The following OSBPL1A variants were observed in gnomAD, a reference collection of about 807,000 sequenced individuals.
OSBPL1A encodes the protein oxysterol-binding protein-related protein 1.
OSBPL1A carries 80 observed loss-of-function variants against 137.1 expected under a neutral mutation model. The ratio of observed to expected loss-of-function variants is 0.58; its 90% CI spans 0.49 to 0.70. The LOEUF is 0.70. OSBPL1A is among the 30% of genes least tolerant of loss of function. The pLI is 0.00. For synonymous variants in OSBPL1A, 365 were observed against 389.7 expected (o/e 0.94, Z 0.75); for missense variants, 970 against 1,129.4 (o/e 0.86, Z 2.02).
rs142266304 is a variant in OSBPL1A at position 24,386,460 on chromosome 18, T to A, written c.-2-8925A>T. Among the ~76,000 whole-genome samples, 14 of 152,332 alleles carry A rather than the reference T, an allele frequency of 9.2e-5. 1 individual carries two copies. The East Asian group carries it at 2.5e-3, about 27-fold the overall frequency. On this transcript the variant is annotated intron_variant, in intron 1 of 27. Coordinates refer to ENST00000319481, the MANE Select transcript of OSBPL1A (RefSeq NM_080597.4). Reference sequence around the variant, plus strand: ...ACATGCATCAGAACTAGTTTAGTTGTGCAGCCCAACCACACTCTAAAGATT... The same window carrying A: ...ACATGCATCAGAACTAGTTTAGTTGAGCAGCCCAACCACACTCTAAAGATT...
At chr18:24,377,947 T>G (rs1293654690) in intron 1 of OSBPL1A, among the ~76,000 whole-genome samples, 3 of 152,224 alleles carry the variant, frequency 2.0e-5, no homozygotes, top group Non-Finnish European at 4.4e-5. Flanking sequence ...TTATTTCCTA[T>G]ATGACCATTC....
At chr18:24,329,868 C>T (rs971761855) in intron 7 of OSBPL1A, among the ~76,000 whole-genome samples, 62 of 151,986 alleles carry the variant, frequency 4.1e-4, no homozygotes, top group Non-Finnish European at 8.4e-4. Context: ...TTTTTTAGAC[C>T]GTTATTCTAC....
intron 16 of OSBPL1A, among the ~76,000 whole-genome samples, chr18:24,227,699 C>T (rs549364690): frequency 6.6e-5 from 10 of 151,924 alleles, no homozygotes; most frequent in South Asian, 6.2e-4. Flanking sequence ...CTCCAGGAGG[C>T]GGCAGGAACA....
rs556893594 is a variant in OSBPL1A at position 24,165,747 on chromosome 18, G to C, written c.2660-592C>G. Among the ~76,000 whole-genome samples, 873 of 152,170 alleles carry C rather than the reference G, an allele frequency of 5.7e-3. 10 individuals are homozygous for C. Among genetic ancestry groups the C allele is most frequent in the African/African-American group, 0.019 (773 of 41,510 alleles). On this transcript the variant is annotated intron_variant, in intron 26 of 27. Transcript: ENST00000319481. ...TCAGACTTTGCTACATGTCTCCTTG[G>C]GGGGAAAAATGCCCCCCTTTTGAGA...
intron 14 of OSBPL1A, among the ~76,000 whole-genome samples, chr18:24,293,231 C>T (rs1240611249): frequency 1.3e-5 from 2 of 151,552 alleles, no homozygotes; most frequent in African/African-American, 4.9e-5. Context: ...GCGTGCGGGA[C>T]ACAGTTACCA....
intron 17 of OSBPL1A, among the ~76,000 whole-genome samples, chr18:24,209,332 A>G (rs1036931973): frequency 1.3e-5 from 2 of 152,220 alleles, no homozygotes; most frequent in African/African-American, 4.8e-5. Context: ...TTCAAAATCA[A>G]TAAGAAAATA....
intron 17 of OSBPL1A, among the ~76,000 whole-genome samples, chr18:24,200,561 C>CAAA (rs893025554): frequency 2.8e-5 from 2 of 70,456 alleles, no homozygotes; most frequent in Non-Finnish European, 3.0e-5. Flanking sequence ...GACTCCGTGT[C>CAAA]AAAAAAAAAA....
chr18:24,289,418 G>GTTTTT lies in OSBPL1A; in HGVS notation c.1175-8475_1175-8471dup, dbSNP rs536281272. Reference sequence around the variant, plus strand: ...TCCAGACTGTTTATTGTTTTTTCCTGTTTTTTTTTTTTTTTTTTTTTGAGA... The same window carrying GTTTTT: ...TCCAGACTGTTTATTGTTTTTTCCTGTTTTTTTTTTTTTTTTTTTTTTTTTTGAGA... On this transcript the variant is annotated intron_variant, in intron 14 of 27. Transcript: ENST00000319481. Among the ~76,000 whole-genome samples the GTTTTT allele has an allele frequency of 7.6e-3, 716 of 94,162 alleles. 11 individuals are homozygous for GTTTTT. The highest frequency in any genetic ancestry group is 0.011 in the Non-Finnish European group (570 of 50,564). The allele number at this position is 94,162 out of a possible 152,430, so 61.8% of individuals were successfully genotyped here.
At chr18:24,178,325 G>T in intron 20 of OSBPL1A, 130 bp from the exon 21 acceptor site, 1 of 942,076 alleles carries the variant, frequency 1.1e-6, no homozygotes, top group Non-Finnish European at 1.5e-6. Flanking sequence ...ACAAAATCTT[G>T]CTCTGTCGCT....
chr18:24,363,076 G>C (rs899289890), intron 4 of OSBPL1A, among the ~76,000 whole-genome samples: 5 of 152,228 alleles, frequency 3.3e-5, no homozygotes, highest in Non-Finnish European at 5.9e-5. Context: ...AAATACAGCA[G>C]AAAACAAATG....
chr18:24,241,244 A>G (rs1013264155), intron 15 of OSBPL1A, among the ~76,000 whole-genome samples: 46 of 152,244 alleles, frequency 3.0e-4, no homozygotes, highest in African/African-American at 1.1e-3. Context: ...AAATACCAAA[A>G]GCAATGGCAA....
In OSBPL1A at chr18:24,163,255, T is replaced by C. The variant is rs772856728; in HGVS notation, c.2777A>G (p.Tyr926Cys). The C allele has an allele frequency of 2.5e-6, 4 of 1,612,972 alleles. No homozygotes were observed. Among genetic ancestry groups the C allele is most frequent in the Non-Finnish European group, 3.4e-6 (4 of 1,179,412 alleles). ...GTAAATCCAGTCCTGTGCTCCATTG[T>C]AGGGATTAGGACCTTGATGGAACCA... ...TRWFHQGPNP[Y>C]NGAQDWIYSG... Residue 926 changes from tyrosine to cysteine, a missense_variant, in exon 28 of 28, where the codon TAC becomes TGC. Physicochemically the swap from Tyr to Cys is radical, Grantham distance 194. Coordinates refer to ENST00000319481, the MANE Select transcript of OSBPL1A (RefSeq NM_080597.4).
intron 1 of OSBPL1A, among the ~76,000 whole-genome samples, chr18:24,382,090 TA>T (rs1400560944): frequency 6.6e-6 from 1 of 151,354 alleles, no homozygotes; most frequent in Non-Finnish European, 1.5e-5. Flanking sequence ...CCTATATCTA[TA>T]AAAATACAAA....
At chr18:24,339,126 T>A (rs1191063451) in intron 5 of OSBPL1A, among the ~76,000 whole-genome samples, 1 of 151,944 alleles carries the variant, frequency 6.6e-6, no homozygotes, top group African/African-American at 2.4e-5. Flanking sequence ...TGTCCACTAC[T>A]ACGCCCAGCT....
At position 24,314,298 on chromosome 18, in the gene OSBPL1A, G is replaced by C. The variant is rs1037920899; in HGVS notation, c.920C>G (p.Thr307Ser). The C allele has an allele frequency of 6.2e-7, 1 of 1,612,172 alleles. No individual in the cohort carries two copies. The highest frequency in any genetic ancestry group is 1.3e-5 in the African/African-American group (1 of 74,920). Residue 307 changes from threonine (T) to serine (S), a missense_variant, in exon 12 of 28, where the codon ACC becomes AGC. Thr to Ser is a moderately conservative substitution (Grantham distance 58). Around this residue, in one of 2 missense-constraint regions of OSBPL1A, gnomAD observed 647 missense variants for 672.6 expected, o/e 0.96. Coordinates refer to ENST00000319481, the MANE Select transcript of OSBPL1A (RefSeq NM_080597.4). ...CTTAGGAACCCGGAAGCCATGAATG[G>C]TGTCATCAAAGCATTTAATAAAGAA... ...CLFFIKCFDD[T>S]IHGFRVPKNS...
At chr18:24,307,130 A>G (rs1023923198) in intron 13 of OSBPL1A, among the ~76,000 whole-genome samples, 3 of 151,988 alleles carry the variant, frequency 2.0e-5, no homozygotes, top group Admixed American at 2.0e-4. Flanking sequence ...AAACAATGAA[A>G]AAATTACCCA....
At chr18:24,205,647 G>C (rs1028403617) in intron 17 of OSBPL1A, among the ~76,000 whole-genome samples, 1 of 151,962 alleles carries the variant, frequency 6.6e-6, no homozygotes, top group African/African-American at 2.4e-5. Flanking sequence ...ATAATTTCAG[G>C]GAAAATTTTC....
intron 11 of OSBPL1A, among the ~76,000 whole-genome samples, chr18:24,314,585 A>G (rs1300797661): frequency 6.6e-6 from 1 of 152,210 alleles, no homozygotes; most frequent in East Asian, 1.9e-4. Flanking sequence ...ACTATGGTTC[A>G]TCAGGTTTGT....
At chr18:24,282,472 T>C (rs1041003072) in intron 14 of OSBPL1A, among the ~76,000 whole-genome samples, 3 of 152,182 alleles carry the variant, frequency 2.0e-5, no homozygotes, top group Non-Finnish European at 4.4e-5. Context: ...TATGTTTAAG[T>C]TGGCAATAAA....
Sources: allele counts gnomAD v4.1 joint callset (sites outside exome capture counted in the v4.1 genomes callset), GRCh38; gene constraint gnomAD v4.1.1; regional missense constraint gnomAD v4.1.1; transcripts MANE v1.5; gene names NCBI Gene and HGNC (gene_info 2026-07-23, HGNC 2026-07-21).